Variants in DLG2 observed in about 807,000 individuals in gnomAD.
The protein encoded by DLG2 is discs large MAGUK scaffold protein 2.
Under a neutral mutation model 132.5 loss-of-function variants are expected in DLG2, and 45 were observed. The observed-to-expected ratio is 0.34, with a 90% CI of 0.27 to 0.44. The LOEUF (loss-of-function observed/expected upper bound fraction) is 0.44. Among genes scored for constraint, DLG2 ranks in the 20% least tolerant of loss-of-function variants. DLG2 has a pLI of 1.00. For synonymous variants in DLG2, 424 were observed against 419.6 expected (o/e 1.01, Z -0.13); for missense variants, 1,045 against 1,196.9 (o/e 0.87, Z 1.87).
chr11:84,605,397 A>G (rs991238909), intron 6 of DLG2, among the ~76,000 whole-genome samples: 2 of 151,982 alleles, frequency 1.3e-5, no homozygotes, highest in African/African-American at 4.8e-5. Flanking sequence ...TGCACAATTT[A>G]CATCAATGAT....
At chr11:83,666,268 CTTT>C (rs1456954718) in intron 18 of DLG2, among the ~76,000 whole-genome samples, 6 of 152,166 alleles carry the variant, frequency 3.9e-5, no homozygotes, top group Non-Finnish European at 8.8e-5. Context: ...GCCGTGGTTT[CTTT>C]AACTCAGAGG....
intron 7 of DLG2, among the ~76,000 whole-genome samples, chr11:84,468,275 G>T (rs1186957039): frequency 3.3e-5 from 5 of 151,432 alleles, no homozygotes; most frequent in African/African-American, 1.2e-4. Flanking sequence ...AAGTATGTTG[G>T]ATTACCATAA....
At chr11:85,160,020 T>C (rs2088015) in intron 4 of DLG2, among the ~76,000 whole-genome samples, 8,550 of 152,244 alleles carry the variant, frequency 0.056, 350 homozygotes, top group African/African-American at 0.11. Context: ...TCAAAGAACT[T>C]CTACCTCAGT....
intron 14 of DLG2, among the ~76,000 whole-genome samples, chr11:83,957,570 T>C: frequency 9.1e-6 from 1 of 109,328 alleles, no homozygotes; most frequent in Non-Finnish European, 1.9e-5. Flanking sequence ...TTTTTTTTTT[T>C]TAAAAACATA....
At chr11:84,107,786 T>C (rs1379712638) in intron 9 of DLG2, among the ~76,000 whole-genome samples, 2 of 152,124 alleles carry the variant, frequency 1.3e-5, no homozygotes, top group East Asian at 3.9e-4. Context: ...CTTTACTCCA[T>C]ATATTTAGAA....
intron 2 of DLG2, among the ~76,000 whole-genome samples, chr11:85,601,745 G>A (rs1371597000): frequency 6.6e-6 from 1 of 152,114 alleles, no homozygotes; most frequent in Non-Finnish European, 1.5e-5. Flanking sequence ...TATTTCCAGG[G>A]CAGCACTCTC....
Position 83,906,257 on chromosome 11 carries a change from TCACACACACACACACA to T in DLG2, c.1496+24055_1496+24070del, listed in dbSNP as rs540642615. Reference sequence around the variant, plus strand: ...GTCTCTCTCTCTCTCTCTCTCTCTCTCACACACACACACACACACACACACACACACACACACACAC... The same window carrying T: ...GTCTCTCTCTCTCTCTCTCTCTCTCTCACACACACACACACACACACACAC... On this transcript the variant is annotated intron_variant, in intron 15 of 27. Transcript: ENST00000376104. Among the ~76,000 whole-genome samples, 95 of 67,166 alleles carry T rather than the reference TCACACACACACACACA, an allele frequency of 1.4e-3. 1 individual carries two copies. Among genetic ancestry groups the T allele is most frequent in the African/African-American group, 3.4e-3 (67 of 19,564 alleles). The allele number at this position is 67,166 out of a possible 152,430, so 44.1% of individuals were successfully genotyped here. A position where few individuals can be genotyped will look rare whatever the true frequency, so the allele number is the denominator to read the frequency against.
chr11:84,289,750 G>C (rs940467644), intron 7 of DLG2, among the ~76,000 whole-genome samples: 15 of 152,190 alleles, frequency 9.9e-5, no homozygotes, highest in African/African-American at 3.4e-4. Context: ...AGAAGTGGGA[G>C]AAATAGTTCT....
At chr11:85,536,152 G>A (rs933790975) in intron 3 of DLG2, among the ~76,000 whole-genome samples, 3 of 146,972 alleles carry the variant, frequency 2.0e-5, no homozygotes, top group African/African-American at 7.6e-5. Flanking sequence ...GGAGGCAGAG[G>A]GTGCAGTGAG....
At chr11:83,798,583 G>A (rs971772375) in intron 17 of DLG2, among the ~76,000 whole-genome samples, 2 of 152,108 alleles carry the variant, frequency 1.3e-5, no homozygotes, top group African/African-American at 4.8e-5. Context: ...ATGGGAAAAG[G>A]CTAGATAATT....
At chr11:83,688,015 G>GAA (rs796734283) in intron 18 of DLG2, among the ~76,000 whole-genome samples, 2 of 98,220 alleles carry the variant, frequency 2.0e-5, no homozygotes, top group Non-Finnish European at 2.2e-5. Flanking sequence ...TGTCTCAAAA[G>GAA]AAAAAAAAAA....
At chr11:84,079,543 A>G (rs1002479851) in intron 10 of DLG2, among the ~76,000 whole-genome samples, 8 of 152,128 alleles carry the variant, frequency 5.3e-5, no homozygotes, top group African/African-American at 1.9e-4. Flanking sequence ...TCAGCCTCCC[A>G]AAGTGTTGGG....
At chr11:85,559,413 T>A (rs1159249500) in intron 3 of DLG2, among the ~76,000 whole-genome samples, 1 of 151,596 alleles carries the variant, frequency 6.6e-6, no homozygotes, top group Non-Finnish European at 1.5e-5. Context: ...CCTCCCAAAG[T>A]GCTGGAATTA....
intron 3 of DLG2, among the ~76,000 whole-genome samples, chr11:85,311,514 T>C (rs1345316868): frequency 6.6e-6 from 1 of 152,130 alleles, no homozygotes; most frequent in African/African-American, 2.4e-5. Context: ...AATCATGACA[T>C]CTTCCAGTAA....
chr11:84,880,422 T>C (rs913499312), intron 6 of DLG2, among the ~76,000 whole-genome samples: 3 of 152,078 alleles, frequency 2.0e-5, no homozygotes, highest in Non-Finnish European at 4.4e-5. Flanking sequence ...ACCTAGCAAA[T>C]TAAATGGTGC....
At chr11:85,429,121 T>C (rs1373683689) in intron 3 of DLG2, among the ~76,000 whole-genome samples, 3 of 152,120 alleles carry the variant, frequency 2.0e-5, no homozygotes, top group Non-Finnish European at 4.4e-5. Context: ...GGCTCTGAAA[T>C]TGAGGCAATA....
intron 15 of DLG2, among the ~76,000 whole-genome samples, chr11:83,886,937 A>G (rs1355280119): frequency 2.0e-5 from 3 of 152,140 alleles, no homozygotes; most frequent in Non-Finnish European, 4.4e-5. Flanking sequence ...TCTCTGGGAC[A>G]CATTCAAAGC....
intron 14 of DLG2, among the ~76,000 whole-genome samples, chr11:83,939,497 T>C (rs72947769): frequency 0.098 from 14,860 of 152,166 alleles, 859 homozygotes; most frequent in South Asian, 0.13. Context: ...GTGAGGAACA[T>C]TACAAAGGCC....
intron 6 of DLG2, among the ~76,000 whole-genome samples, chr11:84,874,041 A>G (rs2085921480): frequency 6.6e-6 from 1 of 152,308 alleles, no homozygotes; most frequent in African/African-American, 2.4e-5. Flanking sequence ...CCTAGGGGAA[A>G]CTAAACCCTC....
Sources: allele counts gnomAD v4.1 joint callset (sites outside exome capture counted in the v4.1 genomes callset), GRCh38; gene constraint gnomAD v4.1.1; transcripts MANE v1.5; gene names NCBI Gene and HGNC (gene_info 2026-07-23, HGNC 2026-07-21).